Variants in KCNH8 observed in about 807,000 individuals in gnomAD.
KCNH8 encodes the protein voltage-gated delayed rectifier potassium channel KCNH8.
KCNH8 carries 70 observed loss-of-function variants against 103.6 expected under a neutral mutation model. The observed-to-expected ratio is 0.68, with a 90% CI of 0.56 to 0.82. The LOEUF (loss-of-function observed/expected upper bound fraction) is 0.82, where lower values mean the gene tolerates loss of function less well. Ranked by LOEUF, KCNH8 falls within the 40% of genes least tolerant of loss-of-function variation. The pLI is 0.00. For synonymous variants in KCNH8, 498 were observed against 489.4 expected, an observed-to-expected ratio of 1.02 and a Z score of -0.23; for missense variants, 1,217 against 1,329.9, an observed-to-expected ratio of 0.92 and a Z score of 1.32.
chr3:19,226,070 C>T (rs1474441858), intron 1 of KCNH8, among the ~76,000 whole-genome samples: 1 of 152,118 alleles, frequency 6.6e-6, no homozygotes, highest in Non-Finnish European at 1.5e-5. Context: ...TGGGGCTTCC[C>T]CCAGTCTTAG....
chr3:19,319,190 T>A (rs2065317453), intron 3 of KCNH8, among the ~76,000 whole-genome samples: 1 of 152,048 alleles, frequency 6.6e-6, no homozygotes, highest in South Asian at 2.1e-4. Flanking sequence ...CTATTTATCT[T>A]TGTTTTTGTT....
At chr3:19,506,281 G>A (rs1275417592) in intron 11 of KCNH8, among the ~76,000 whole-genome samples, 5 of 152,250 alleles carry the variant, frequency 3.3e-5, no homozygotes, top group Non-Finnish European at 1.5e-5. Flanking sequence ...TCATCTGTGT[G>A]GGCTGGTGTT....
intron 2 of KCNH8, among the ~76,000 whole-genome samples, chr3:19,265,122 G>T (rs2064489771): frequency 6.6e-6 from 1 of 152,032 alleles, no homozygotes; most frequent in African/African-American, 2.4e-5. Context: ...GAAAGTTTTG[G>T]AGTAGAATCT....
intron 3 of KCNH8, among the ~76,000 whole-genome samples, chr3:19,330,042 CTAT>C (rs2065484275): frequency 6.6e-6 from 1 of 151,604 alleles, no homozygotes; most frequent in Admixed American, 6.6e-5. Flanking sequence ...ATTCTTTAGC[CTAT>C]TATGCAAGAT....
chr3:19,311,678 T>C (rs1052519415), intron 3 of KCNH8, among the ~76,000 whole-genome samples: 1 of 151,754 alleles, frequency 6.6e-6, no homozygotes, highest in African/African-American at 2.4e-5. Context: ...GGAGTGTTAT[T>C]TGATACAGAC....
At chr3:19,489,484 G>T (rs1330779432) in intron 11 of KCNH8, among the ~76,000 whole-genome samples, 1 of 152,126 alleles carries the variant, frequency 6.6e-6, no homozygotes, top group Non-Finnish European at 1.5e-5. Flanking sequence ...TGGCTTACAA[G>T]TTACCTTGTG....
chr3:19,346,624 T>A (rs9863451), intron 4 of KCNH8: 20,190 of 456,252 alleles, frequency 0.044, 747 homozygotes, highest in East Asian at 0.11. Flanking sequence ...ATGTTCCTGA[T>A]CTTTCTGAAC....
intron 2 of KCNH8, among the ~76,000 whole-genome samples, chr3:19,274,999 GA>G (rs986983338): frequency 1.3e-5 from 2 of 149,314 alleles, no homozygotes; most frequent in Admixed American, 6.7e-5. Context: ...AAATTATCAA[GA>G]ATATATAAAA....
chr3:19,399,554 G>T (rs1468710525), intron 7 of KCNH8, among the ~76,000 whole-genome samples: 1 of 151,894 alleles, frequency 6.6e-6, no homozygotes, highest in Non-Finnish European at 1.5e-5. Context: ...ACCTCAATGT[G>T]TGGTTTTTCA....
At chr3:19,454,272 C>T (rs1575084367) in intron 10 of KCNH8, among the ~76,000 whole-genome samples, 2 of 151,644 alleles carry the variant, frequency 1.3e-5, no homozygotes, top group East Asian at 3.9e-4. Context: ...GCCAGTCACC[C>T]TATCATCTTG....
In KCNH8 at chr3:19,303,623, G is replaced by A. The variant is rs941864047; in HGVS notation, c.442+22294G>A. Among the ~76,000 whole-genome samples the A allele has an allele frequency of 3.3e-5, 5 of 152,082 alleles. No individual in the cohort carries two copies. The South Asian group carries it at 6.2e-4, about 19-fold the overall frequency. Reference sequence around the variant, plus strand: ...GAGACAATCCTTCCAAAGCTATCACGTTCCCTGGAAAGCAAAATTAGTGGG... The same window carrying A: ...GAGACAATCCTTCCAAAGCTATCACATTCCCTGGAAAGCAAAATTAGTGGG... On this transcript the variant is annotated intron_variant, in intron 3 of 15. Transcript: ENST00000328405.
At chr3:19,433,341 C>T (rs902230414) in intron 7 of KCNH8, among the ~76,000 whole-genome samples, 2 of 152,124 alleles carry the variant, frequency 1.3e-5, no homozygotes, top group African/African-American at 4.8e-5. Context: ...TCAATATTTG[C>T]TGATGGATCT....
chr3:19,380,620 T>G (rs922176673), intron 5 of KCNH8, among the ~76,000 whole-genome samples: 1 of 152,218 alleles, frequency 6.6e-6, no homozygotes, highest in African/African-American at 2.4e-5. Flanking sequence ...TACCCTCTAC[T>G]CAAGTAACTC....
At chr3:19,338,081 CTTTT>C in intron 3 of KCNH8, among the ~76,000 whole-genome samples, 1 of 151,852 alleles carries the variant, frequency 6.6e-6, no homozygotes. Context: ...ATAATTTAGG[CTTTT>C]TTATTTGTTT....
intron 1 of KCNH8, among the ~76,000 whole-genome samples, chr3:19,209,923 G>A (rs1407345850): frequency 6.6e-6 from 1 of 151,990 alleles, no homozygotes; most frequent in Non-Finnish European, 1.5e-5. Flanking sequence ...TTTGGGAAGA[G>A]ATTTTTTTGG....
chr3:19,348,005 G>T, intron 5 of KCNH8, 40 bp downstream of exon 5: 3 of 1,597,938 alleles, frequency 1.9e-6, no homozygotes, highest in Non-Finnish European at 2.6e-6. Context: ...ATTTGCATAT[G>T]AGAAGTGAAG....
rs1491504046 is a variant in KCNH8 at position 19,419,194 on chromosome 3, G to GTTTTTTTTTTTTTTTTTTTTTTT, written c.1178-18970_1178-18969insTTTTTTTTTTTTTTTTTTTTTTT. Among the ~76,000 whole-genome samples, 2 of 64,118 alleles carry GTTTTTTTTTTTTTTTTTTTTTTT rather than the reference G, an allele frequency of 3.1e-5. 1 individual carries two copies. 42.1% of individuals were successfully genotyped at this position (64,118 alleles called of 152,430 possible). ...AAAAAGAAGTAATTAAAATGGTTTT[G>GTTTTTTTTTTTTTTTTTTTTTTT]GTTTTTTTTTTTTTTTTTTTTTTGA... On this transcript the variant is annotated intron_variant, in intron 7 of 15. Coordinates refer to ENST00000328405, the MANE Select transcript of KCNH8 (RefSeq NM_144633.3).
chr3:19,498,476 A>G (rs1159452940), intron 11 of KCNH8, among the ~76,000 whole-genome samples: 1 of 152,050 alleles, frequency 6.6e-6, no homozygotes, highest in Non-Finnish European at 1.5e-5. Flanking sequence ...TTGTCTCAAA[A>G]GGATCTTATT....
Position 19,438,356 on chromosome 3 carries a change from T to C in KCNH8, c.1370T>C (p.Ile457Thr), listed in dbSNP as rs1328795600. The change falls in exon 8 of 16, where the codon ATT becomes ACT. Residue 457 changes from isoleucine to threonine, a missense_variant. Ile to Thr is a moderately conservative substitution (Grantham distance 89, BLOSUM62 -1). Around this residue, in one of 3 missense-constraint regions of KCNH8, gnomAD observed 415 missense variants for 577.4 expected, o/e 0.72. Coordinates refer to ENST00000328405, the MANE Select transcript of KCNH8 (RefSeq NM_144633.3). The part of the protein sequence containing the change: ...EKIFSICTML[I>T]GALMHALVFG... ...ATCTTCTCCATCTGCACCATGCTGA[T>C]TGGTGGTAAGAGAGCATCTTCTTTT... 1 of 1,613,102 alleles carries C rather than the reference T, an allele frequency of 6.2e-7. No homozygotes were observed. Among genetic ancestry groups the C allele is most frequent in the Non-Finnish European group, 8.5e-7 (1 of 1,179,612 alleles).
Sources: gnomAD v4.1 joint callset for allele counts (sites outside exome capture counted in the v4.1 genomes callset) on GRCh38, gnomAD v4.1.1 for gene constraint, gnomAD v4.1.1 regional missense constraint, MANE v1.5 for transcripts, NCBI Gene and HGNC (gene_info 2026-07-23, HGNC 2026-07-21) for gene names.